FAM135B: variants seen among roughly 807,000 people sequenced by gnomAD.
FAM135B encodes the protein protein FAM135B.
Under a neutral mutation model 127.7 loss-of-function variants are expected in FAM135B, and 43 were observed. The ratio of observed to expected loss-of-function variants is 0.34; its 90% CI spans 0.26 to 0.43. FAM135B has a LOEUF of 0.43. FAM135B is among the 20% of genes least tolerant of loss of function. The pLI is 1.00. For missense variants in FAM135B, 1,558 were observed against 1,725.6 expected, an observed-to-expected ratio of 0.90 and a Z score of 1.72; for synonymous variants, 670 against 665.1, an observed-to-expected ratio of 1.01 and a Z score of -0.11.
At chr8:138,271,845 A>G (rs1823400558) in intron 3 of FAM135B, among the ~76,000 whole-genome samples, 1 of 152,190 alleles carries the variant, frequency 6.6e-6, no homozygotes, top group Non-Finnish European at 1.5e-5. Context: ...CCTGAGATTT[A>G]CTGGTCTAAA....
intron 1 of FAM135B, among the ~76,000 whole-genome samples, chr8:138,390,420 T>C (rs976309429): frequency 3.9e-5 from 6 of 152,152 alleles, no homozygotes; most frequent in African/African-American, 1.4e-4. Context: ...ATGTGCCTTT[T>C]GCCTTCTGCC....
At chr8:138,255,817 C>T (rs550700393) in intron 5 of FAM135B, among the ~76,000 whole-genome samples, 2 of 152,230 alleles carry the variant, frequency 1.3e-5, no homozygotes, top group East Asian at 1.9e-4. Context: ...CAGGGTTTAC[C>T]ATATGACAAT....
At chr8:138,244,014 A>C (rs1316492827) in intron 6 of FAM135B, among the ~76,000 whole-genome samples, 1 of 152,210 alleles carries the variant, frequency 6.6e-6, no homozygotes, top group Non-Finnish European at 1.5e-5. Context: ...GGTGCTCAAG[A>C]AACATTTGTG....
At chr8:138,422,160 TA>T (rs1834549785) in intron 1 of FAM135B, among the ~76,000 whole-genome samples, 1 of 152,034 alleles carries the variant, frequency 6.6e-6, no homozygotes, top group Admixed American at 6.6e-5. Context: ...CCTGAAATCA[TA>T]AAAACCCTAG....
At chr8:138,433,972 G>A (rs554740346) in intron 1 of FAM135B, among the ~76,000 whole-genome samples, 2 of 152,320 alleles carry the variant, frequency 1.3e-5, no homozygotes, top group East Asian at 1.9e-4. Context: ...TCCACCTTAC[G>A]GAGATGGGTT....
intron 2 of FAM135B, among the ~76,000 whole-genome samples, chr8:138,343,712 G>A (rs113273605): frequency 0.012 from 1,878 of 152,202 alleles, 34 homozygotes; most frequent in African/African-American, 0.042. Context: ...CCTCCCAAAC[G>A]TGTCTACTGT....
chr8:138,490,779 G>T (rs1363737683), intron 1 of FAM135B, among the ~76,000 whole-genome samples: 1 of 152,154 alleles, frequency 6.6e-6, no homozygotes, highest in Non-Finnish European at 1.5e-5. Context: ...CTGAGAATAT[G>T]ACTTAGAGAA....
intron 1 of FAM135B, among the ~76,000 whole-genome samples, chr8:138,427,266 A>T (rs1227768322): frequency 1.4e-5 from 2 of 148,040 alleles, no homozygotes; most frequent in Admixed American, 7.2e-5. Flanking sequence ...GAAGAAATTC[A>T]TCAAGATTAT....
At chr8:138,200,401 G>A (rs1469309874) in intron 7 of FAM135B, among the ~76,000 whole-genome samples, 1 of 152,266 alleles carries the variant, frequency 6.6e-6, no homozygotes, top group East Asian at 1.9e-4. Flanking sequence ...AGGAGGGCTT[G>A]TATGCAGCAC....
At chr8:138,423,133 G>A (rs556525904) in intron 1 of FAM135B, among the ~76,000 whole-genome samples, 2 of 152,106 alleles carry the variant, frequency 1.3e-5, no homozygotes, top group African/African-American at 2.4e-5. Context: ...AGAGTGGGAG[G>A]GGGGTGAGGA....
intron 3 of FAM135B, among the ~76,000 whole-genome samples, chr8:138,285,913 G>A (rs1219780672): frequency 6.6e-6 from 1 of 152,182 alleles, no homozygotes; most frequent in Non-Finnish European, 1.5e-5. Flanking sequence ...CTTTGAATCC[G>A]CCTATCTGTC....
intron 3 of FAM135B, among the ~76,000 whole-genome samples, chr8:138,294,068 A>G (rs1042635349): frequency 4.6e-5 from 7 of 152,204 alleles, no homozygotes; most frequent in African/African-American, 1.7e-4. Context: ...ACTCAGCCAT[A>G]AAAAGAATAA....
At chr8:138,426,016 C>CATATATATATATAT (rs1563992486) in intron 1 of FAM135B, among the ~76,000 whole-genome samples, 3 of 15,014 alleles carry the variant, frequency 2.0e-4, no homozygotes, top group African/African-American at 1.3e-3. Flanking sequence ...TATATATACA[C>CATATATATATATAT]ACACATACAT....
At chr8:138,434,481 G>A (rs1439079541) in intron 1 of FAM135B, among the ~76,000 whole-genome samples, 1 of 152,080 alleles carries the variant, frequency 6.6e-6, no homozygotes, top group Non-Finnish European at 1.5e-5. Context: ...CAATTTATTG[G>A]CTTGGGGTCA....
At chr8:138,160,373 T>TTATA (rs1248536770) in intron 12 of FAM135B, among the ~76,000 whole-genome samples, 2 of 150,994 alleles carry the variant, frequency 1.3e-5, no homozygotes, top group African/African-American at 4.9e-5. Flanking sequence ...GTGTCTGGTT[T>TTATA]TATTTATTTA....
At chr8:138,268,471 ACTC>A (rs74563530) in intron 3 of FAM135B, among the ~76,000 whole-genome samples, 2,043 of 151,932 alleles carry the variant, frequency 0.013, 41 homozygotes, top group East Asian at 0.09. Context: ...TTCTGGGTCA[ACTC>A]CTCACCACTG....
At chr8:138,379,847 T>G (rs76597339) in intron 1 of FAM135B, among the ~76,000 whole-genome samples, 7,183 of 152,250 alleles carry the variant, frequency 0.047, 322 homozygotes, top group East Asian at 0.17. Flanking sequence ...AGGCACTGAT[T>G]CCCTGTCCCT....
intron 2 of FAM135B, among the ~76,000 whole-genome samples, chr8:138,316,128 A>C (rs1827067590): frequency 6.6e-6 from 1 of 152,262 alleles, no homozygotes; most frequent in Admixed American, 6.5e-5. Flanking sequence ...TGTTTATCAA[A>C]ACATCATGTT....
intron 2 of FAM135B, among the ~76,000 whole-genome samples, chr8:138,313,953 G>A (rs1826884510): frequency 6.6e-6 from 1 of 151,714 alleles, no homozygotes; most frequent in Non-Finnish European, 1.5e-5. Context: ...CTAAAAACAA[G>A]TATCCCTTTT....
Sources: allele counts gnomAD v4.1 joint callset (sites outside exome capture counted in the v4.1 genomes callset), GRCh38; gene constraint gnomAD v4.1.1; transcripts MANE v1.5; gene names NCBI Gene and HGNC (gene_info 2026-07-23, HGNC 2026-07-21).